The following SLC35F4 variants were observed in gnomAD, a reference collection of about 807,000 sequenced individuals.
The protein encoded by SLC35F4 is solute carrier family 35 member F4, also known as chromosome 14 open reading frame 36.
In SLC35F4, 24 loss-of-function variants were observed where a neutral mutation model predicts 44.2. The observed-to-expected ratio is 0.54, with a 90% CI of 0.39 to 0.76. The LOEUF (loss-of-function observed/expected upper bound fraction) is 0.76, where lower values mean the gene tolerates loss of function less well. Among genes scored for constraint, SLC35F4 ranks in the 30% least tolerant of loss-of-function variants. SLC35F4 has a pLI of 0.00. For missense variants in SLC35F4, 562 were observed against 586.1 expected (o/e 0.96, Z 0.42); for synonymous variants, 238 against 223.6 (o/e 1.06, Z -0.57).
intron 1 of SLC35F4, among the ~76,000 whole-genome samples, chr14:57,898,139 A>G (rs936509384): frequency 1.3e-5 from 2 of 152,198 alleles, no homozygotes; most frequent in African/African-American, 4.8e-5. Flanking sequence ...TTGTATTTAT[A>G]TAGTCAGGTT....
At chr14:57,596,769 C>T in intron 1 of SLC35F4, 1 of 1,363,396 alleles carries the variant, frequency 7.3e-7, no homozygotes, top group Non-Finnish European at 9.8e-7. Context: ...TTCTCATTTT[C>T]ACTAAAATAT....
intron 1 of SLC35F4, among the ~76,000 whole-genome samples, chr14:57,801,703 C>T (rs2078197535): frequency 6.6e-6 from 1 of 152,054 alleles, no homozygotes; most frequent in Non-Finnish European, 1.5e-5. Context: ...ACAAAACAGA[C>T]ATTAAACCAA....
intron 1 of SLC35F4, among the ~76,000 whole-genome samples, chr14:57,635,658 T>G (rs2072989164): frequency 6.6e-6 from 1 of 152,036 alleles, no homozygotes; most frequent in Non-Finnish European, 1.5e-5. Context: ...AGATGCTTAA[T>G]TAATAAGCAT....
chr14:57,856,293 A>C (rs1325196344), intron 1 of SLC35F4, among the ~76,000 whole-genome samples: 1 of 152,060 alleles, frequency 6.6e-6, no homozygotes, highest in Non-Finnish European at 1.5e-5. Flanking sequence ...CACATTCTGC[A>C]CATGTACCCC....
At chr14:57,915,213 G>A (rs773067067) in intron 1 of SLC35F4, among the ~76,000 whole-genome samples, 2 of 152,098 alleles carry the variant, frequency 1.3e-5, no homozygotes, top group Admixed American at 6.5e-5. Context: ...ACAAAGCTAC[G>A]CCCATCCTTT....
intron 1 of SLC35F4, among the ~76,000 whole-genome samples, chr14:57,622,112 A>T (rs946142978): frequency 1.5e-5 from 2 of 133,552 alleles, no homozygotes; most frequent in Non-Finnish European, 3.3e-5. Context: ...TCAAAACCAC[A>T]ATGAGATACC....
At chr14:57,779,208 T>G (rs1043923968) in intron 1 of SLC35F4, among the ~76,000 whole-genome samples, 1 of 152,032 alleles carries the variant, frequency 6.6e-6, no homozygotes, top group African/African-American at 2.4e-5. Context: ...GTTGGTTTTT[T>G]GAAAAAATTC....
intron 1 of SLC35F4, among the ~76,000 whole-genome samples, chr14:57,738,204 G>A (rs66749055): frequency 6.6e-6 from 1 of 152,076 alleles, no homozygotes; most frequent in Non-Finnish European, 1.5e-5. Context: ...TCTGTTGATT[G>A]CAAAAACTTT....
intron 1 of SLC35F4, among the ~76,000 whole-genome samples, chr14:57,597,894 G>A (rs1051398802): frequency 1.3e-5 from 2 of 152,186 alleles, no homozygotes; most frequent in African/African-American, 4.8e-5. Flanking sequence ...TGAGATTCAG[G>A]CAGTATACAG....
At chr14:57,669,572 G>A (rs1377334840) in intron 1 of SLC35F4, among the ~76,000 whole-genome samples, 8 of 152,016 alleles carry the variant, frequency 5.3e-5, no homozygotes, top group Non-Finnish European at 1.2e-4. Context: ...GGCCTTTTCT[G>A]CATCTATTGA....
chr14:57,760,858 G>A (rs1173713578), intron 1 of SLC35F4, among the ~76,000 whole-genome samples: 1 of 152,122 alleles, frequency 6.6e-6, no homozygotes, highest in Non-Finnish European at 1.5e-5. Flanking sequence ...GCGCTGGGTA[G>A]TTTCCTCACA....
intron 1 of SLC35F4, among the ~76,000 whole-genome samples, chr14:57,921,810 T>C (rs1241070455): frequency 6.6e-6 from 1 of 152,178 alleles, no homozygotes; most frequent in East Asian, 1.9e-4. Context: ...TAATTACATC[T>C]GCAATGACCC....
intron 1 of SLC35F4, among the ~76,000 whole-genome samples, chr14:57,830,413 G>A (rs1166613141): frequency 7.2e-5 from 11 of 151,948 alleles, no homozygotes; most frequent in Non-Finnish European, 1.5e-4. Flanking sequence ...CCCTAGCTTC[G>A]GACAAGAGAA....
chr14:57,881,181 G>A (rs1419603798), intron 1 of SLC35F4, among the ~76,000 whole-genome samples: 2 of 152,140 alleles, frequency 1.3e-5, no homozygotes, highest in African/African-American at 4.8e-5. Context: ...TCATTGATTA[G>A]CTGTAGGGTC....
At chr14:57,811,912 T>G (rs1047018610) in intron 1 of SLC35F4, among the ~76,000 whole-genome samples, 1 of 152,080 alleles carries the variant, frequency 6.6e-6, no homozygotes, top group African/African-American at 2.4e-5. Flanking sequence ...AGCCCAGACA[T>G]TTGAGGCTGC....
At chr14:57,809,538 A>G (rs1179920456) in intron 1 of SLC35F4, among the ~76,000 whole-genome samples, 1 of 152,176 alleles carries the variant, frequency 6.6e-6, no homozygotes, top group Non-Finnish European at 1.5e-5. Flanking sequence ...ATCCACCCCC[A>G]TCAAAGCCCA....
intron 1 of SLC35F4, among the ~76,000 whole-genome samples, chr14:57,925,802 A>G (rs1889558551): frequency 6.6e-6 from 1 of 152,172 alleles, no homozygotes; most frequent in South Asian, 2.1e-4. Flanking sequence ...ACTAGTTTAA[A>G]TCTTACACAA....
intron 1 of SLC35F4, among the ~76,000 whole-genome samples, chr14:57,832,434 G>A (rs530428263): frequency 1.3e-5 from 2 of 152,310 alleles, no homozygotes; most frequent in African/African-American, 4.8e-5. Flanking sequence ...AGAATCTCAT[G>A]TATGACATGA....
intron 1 of SLC35F4, chr14:57,630,583 G>GA: frequency 4.2e-6 from 4 of 955,816 alleles, no homozygotes; most frequent in African/African-American, 1.6e-5. Flanking sequence ...AGGAATTAGG[G>GA]AAAAAAAGAA....
Sources: allele counts gnomAD v4.1 joint callset (sites outside exome capture counted in the v4.1 genomes callset), GRCh38; gene constraint gnomAD v4.1.1; transcripts MANE v1.5; gene names NCBI Gene and HGNC (gene_info 2026-07-23, HGNC 2026-07-21).